ZNF618: variants seen among roughly 807,000 people sequenced by gnomAD.
The protein encoded by ZNF618 is neural precursor cell expressed, developmentally down-regulated 10.
In ZNF618, 34 loss-of-function variants were observed where a neutral mutation model predicts 103.0. That is an observed-to-expected ratio of 0.33 (90% CI 0.25 to 0.44). ZNF618 has a LOEUF of 0.44. ZNF618 is among the 20% of genes least tolerant of loss of function. The pLI is 1.00. For missense variants in ZNF618, 1,059 were observed against 1,295.4 expected, an observed-to-expected ratio of 0.82 and a Z score of 2.80; for synonymous variants, 551 against 542.2, an observed-to-expected ratio of 1.02 and a Z score of -0.23.
rs56235947 is a variant in ZNF618, at chr9:114,022,601, C to CAAAAAAAAAAA, written c.844+5827_844+5837dup. On this transcript the variant is annotated intron_variant, in intron 10 of 14. Coordinates refer to ENST00000374126, the MANE Select transcript of ZNF618 (RefSeq NM_001318042.2). The stretch of plus-strand genomic sequence containing the variant: ...TGCTGCGGTTTCATGTCCACTTGAC[C>CAAAAAAAAAAA]AAAAAAAAAAAAAAAAAAAAGGCAT... Among the ~76,000 whole-genome samples, 2 of 90,788 alleles carry CAAAAAAAAAAA rather than the reference C, an allele frequency of 2.2e-5. 1 individual carries two copies. Among genetic ancestry groups the CAAAAAAAAAAA allele is most frequent in the African/African-American group, 8.3e-5 (2 of 24,154 alleles). 59.6% of individuals were successfully genotyped at this position (90,788 alleles called of 152,430 possible).
At chr9:113,941,606 T>C (rs1308096111) in intron 1 of ZNF618, among the ~76,000 whole-genome samples, 1 of 152,222 alleles carries the variant, frequency 6.6e-6, no homozygotes, top group East Asian at 1.9e-4. Context: ...TCTCAGGATC[T>C]TGTAGCTGCT....
At position 113,982,064 on chromosome 9, in the gene ZNF618, A is replaced by C. The variant is rs377024060; in HGVS notation, c.78-6257A>C. Reference sequence around the variant, plus strand: ...CTCCCCGGGCAGAGTCTGCAGGCACATTGGCCTGGCCAGACACAGTAGCAG... The same window carrying C: ...CTCCCCGGGCAGAGTCTGCAGGCACCTTGGCCTGGCCAGACACAGTAGCAG... On this transcript the variant is annotated intron_variant, in intron 2 of 14. Coordinates refer to ENST00000374126, the MANE Select transcript of ZNF618 (RefSeq NM_001318042.2). Among the ~76,000 whole-genome samples the C allele has an allele frequency of 2.6e-5, 4 of 152,222 alleles. No individual in the cohort carries two copies. The East Asian group carries it at 7.7e-4, about 29-fold the overall frequency.
At chr9:113,926,739 A>C (rs181364872) in intron 1 of ZNF618, among the ~76,000 whole-genome samples, 1 of 152,312 alleles carries the variant, frequency 6.6e-6, no homozygotes, top group Non-Finnish European at 1.5e-5. Flanking sequence ...CCAAATCTGC[A>C]CTGTAGCTCA....
At chr9:113,941,551 G>A (rs1210987307) in intron 1 of ZNF618, among the ~76,000 whole-genome samples, 2 of 152,114 alleles carry the variant, frequency 1.3e-5, no homozygotes, top group African/African-American at 2.4e-5. Context: ...TCACATTTGA[G>A]TGATGAGTTG....
chr9:113,912,863 C>G (rs1831681346), intron 1 of ZNF618, among the ~76,000 whole-genome samples: 1 of 152,158 alleles, frequency 6.6e-6, no homozygotes, highest in African/African-American at 2.4e-5. Context: ...TTTAACATCC[C>G]TTTAGCAACA....
chr9:113,998,433 A>G, intron 4 of ZNF618, 79 bp downstream of exon 4: 1 of 1,306,654 alleles, frequency 7.7e-7, no homozygotes, highest in South Asian at 1.3e-5. Context: ...CATCAGTTAC[A>G]GACCTGAGTA....
intron 2 of ZNF618, among the ~76,000 whole-genome samples, chr9:113,974,634 A>G (rs891960803): frequency 2.0e-5 from 3 of 151,718 alleles, no homozygotes; most frequent in African/African-American, 7.3e-5. Context: ...TCAGCAAAGG[A>G]TTATGTGTAG....
intron 1 of ZNF618, among the ~76,000 whole-genome samples, chr9:113,886,725 A>G (rs909258864): frequency 1.4e-4 from 22 of 152,106 alleles, no homozygotes; most frequent in African/African-American, 5.3e-4. Flanking sequence ...GTCTAGAGCT[A>G]TAAGGGTAAC....
At chr9:113,972,883 A>G (rs1280527771) in intron 2 of ZNF618, among the ~76,000 whole-genome samples, 1 of 152,150 alleles carries the variant, frequency 6.6e-6, no homozygotes, top group Non-Finnish European at 1.5e-5. Context: ...CCTGGCCAAC[A>G]TGGCGAAACC....
chr9:113,893,546 A>G (rs1000356535), intron 1 of ZNF618, among the ~76,000 whole-genome samples: 4 of 152,158 alleles, frequency 2.6e-5, no homozygotes, highest in African/African-American at 7.2e-5. Flanking sequence ...TATTTAAGTC[A>G]TAAAGTATTA....
At chr9:113,910,720 AC>A (rs1476254854) in intron 1 of ZNF618, among the ~76,000 whole-genome samples, 1 of 151,894 alleles carries the variant, frequency 6.6e-6, no homozygotes, top group Non-Finnish European at 1.5e-5. Context: ...TCCTTCCTTC[AC>A]ACCTGTGCTC....
chr9:113,917,111 A>G (rs13293583), intron 1 of ZNF618, among the ~76,000 whole-genome samples: 2,598 of 152,202 alleles, frequency 0.017, 48 homozygotes, highest in Middle Eastern at 0.031. Context: ...CTGTCACACC[A>G]GACATTGCAG....
chr9:113,912,997 T>G (rs915789585), intron 1 of ZNF618, among the ~76,000 whole-genome samples: 9 of 152,118 alleles, frequency 5.9e-5, no homozygotes, highest in Non-Finnish European at 1.0e-4. Context: ...TGGTCTCTGC[T>G]CTTCCTTCAC....
Position 113,988,454 on chromosome 9 carries a change from A to C in ZNF618, c.211A>C (p.Ile71Leu). The part of the protein sequence containing the change: ...KVKTELPDDY[I>L]QEVIWQGEAK... Reference sequence around the variant, plus strand: ...GAAGACAGAGCTGCCCGATGACTACATCCAGGAGGTGATCTGGCAGGGCGA... The same window carrying C: ...GAAGACAGAGCTGCCCGATGACTACCTCCAGGAGGTGATCTGGCAGGGCGA... Residue 71 changes from isoleucine (I) to leucine (L), a missense_variant, in exon 3 of 15, where the codon ATC (isoleucine) becomes CTC (leucine). Physicochemically the swap from Ile to Leu is conservative, Grantham distance 5 (BLOSUM62 2). Coordinates refer to ENST00000374126, the MANE Select transcript of ZNF618 (RefSeq NM_001318042.2). The C allele has an allele frequency of 6.2e-7, 1 of 1,613,672 alleles. No homozygotes were observed. Among genetic ancestry groups the C allele is most frequent in the Non-Finnish European group, 8.5e-7 (1 of 1,179,896 alleles).
At chr9:113,894,104 G>A (rs1829840941) in intron 1 of ZNF618, among the ~76,000 whole-genome samples, 1 of 152,122 alleles carries the variant, frequency 6.6e-6, no homozygotes, top group Non-Finnish European at 1.5e-5. Context: ...ACAAATAATA[G>A]TTTTTCAGTA....
chr9:113,905,982 T>C (rs917033847), intron 1 of ZNF618, among the ~76,000 whole-genome samples: 18 of 152,174 alleles, frequency 1.2e-4, no homozygotes, highest in African/African-American at 4.3e-4. Context: ...TGTTGCCTGT[T>C]ATCCAGTGTC....
chr9:114,019,746 G>T (rs58769230), intron 10 of ZNF618, among the ~76,000 whole-genome samples: 1 of 152,112 alleles, frequency 6.6e-6, no homozygotes, highest in East Asian at 1.9e-4. Flanking sequence ...GTAGGCCTGG[G>T]TTCTTTGCCA....
intron 4 of ZNF618, among the ~76,000 whole-genome samples, chr9:113,999,737 C>G (rs1840995098): frequency 6.6e-6 from 1 of 152,238 alleles, no homozygotes; most frequent in African/African-American, 2.4e-5. Context: ...CACTTGCTGC[C>G]CTAACGCCAT....
chr9:113,882,932 T>A (rs957028459), intron 1 of ZNF618, among the ~76,000 whole-genome samples: 1 of 152,200 alleles, frequency 6.6e-6, no homozygotes, highest in Non-Finnish European at 1.5e-5. Flanking sequence ...GCCCCCATGG[T>A]ACCTCCCAAA....
Sources: gnomAD v4.1 joint callset for allele counts (sites outside exome capture counted in the v4.1 genomes callset) on GRCh38, gnomAD v4.1.1 for gene constraint, MANE v1.5 for transcripts, NCBI Gene and HGNC (gene_info 2026-07-23, HGNC 2026-07-21) for gene names.